Variants in HIC1 observed in about 807,000 individuals in gnomAD.
HIC1 encodes the protein hypermethylated in cancer 1 protein.
HIC1 carries 9 observed loss-of-function variants against 26.4 expected under a neutral mutation model. That is an observed-to-expected ratio of 0.34 (90% CI 0.21 to 0.59). The LOEUF (loss-of-function observed/expected upper bound fraction) is 0.59. Ranked by LOEUF, HIC1 falls within the 20% of genes least tolerant of loss-of-function variation. HIC1 has a pLI of 0.82. For synonymous variants in HIC1, 631 were observed against 523.1 expected (o/e 1.21, Z -2.81); for missense variants, 965 against 1,075.7 (o/e 0.90, Z 1.44).
rs1438822118 is a variant in HIC1, at chr17:2,058,819, G to A, written c.2129G>A (p.Arg710His). Residue 710 changes from arginine to histidine, a missense_variant, in exon 2 of 2, where the codon CGT becomes CAT. Coordinates refer to ENST00000619757, the MANE Select transcript of HIC1 (RefSeq NM_006497.4). Reference protein sequence around the residue: ...AAGPDGRTIDRFSPT With the variant: ...AAGPDGRTIDHFSPT ...GGGCCCGACGGCCGGACCATCGACCGTTTCTCTCCCACCTAGAGCGCCCCT... is the reference window on the plus strand; with the variant it reads ...GGGCCCGACGGCCGGACCATCGACCATTTCTCTCCCACCTAGAGCGCCCCT... 22 of 1,489,998 alleles carry A rather than the reference G, an allele frequency of 1.5e-5. No homozygotes were observed. Among genetic ancestry groups the A allele is most frequent in the Non-Finnish European group, 1.9e-5 (21 of 1,126,212 alleles). 92.3% of individuals were successfully genotyped at this position (1,489,998 alleles called of 1,614,324 possible).
Position 2,056,987 on chromosome 17 carries a change from G to A in HIC1, c.297G>A (p.Val99=). The A allele has an allele frequency of 1.9e-6, 3 of 1,556,722 alleles. No homozygotes were observed. The highest frequency in any genetic ancestry group is 2.6e-6 in the Non-Finnish European group (3 of 1,154,468). Residue 99 remains valine, a synonymous_variant, in exon 2 of 2, where the codon GTG becomes GTA. Coordinates refer to ENST00000619757, the MANE Select transcript of HIC1 (RefSeq NM_006497.4). ...CAGAGGCGGCTGCGGCCGCGGCCGT[G>A]GCCCCGGGGGCTGAGCCGAGCCTGG... is the stretch of plus-strand genomic sequence containing the variant. ...DGAEAAAAAA[V]APGAEPSLGA...
Position 2,057,976 on chromosome 17 carries a change from G to A in HIC1, c.1286G>A (p.Ser429Asn), listed in dbSNP as rs1346487914. 1 of 1,609,976 alleles carries A rather than the reference G, an allele frequency of 6.2e-7. No individual in the cohort carries two copies. Among genetic ancestry groups the A allele is most frequent in the Admixed American group, 1.7e-5 (1 of 59,642 alleles). The change falls in exon 2 of 2, where the codon AGC becomes AAC. Residue 429 changes from serine (S) to asparagine (N), a missense_variant. By Grantham distance (46) the Ser-to-Asn change is conservative (BLOSUM62 1). Coordinates refer to ENST00000619757, the MANE Select transcript of HIC1 (RefSeq NM_006497.4). ...VCIPCGKGFP[S>N]SEQLNAHVEA... ...ATTCCGTGCGGCAAGGGCTTCCCCAGCTCTGAGCAGCTGAACGCGCACGTG... is the reference window on the plus strand; with the variant it reads ...ATTCCGTGCGGCAAGGGCTTCCCCAACTCTGAGCAGCTGAACGCGCACGTG...
Position 2,061,733 on chromosome 17 carries a change from T to C in HIC1, c.*2898T>C, listed in dbSNP as rs2067786872. Reference sequence around the variant, plus strand: ...TGGGGAGGGGGTGCCACGCTAGCCGTGTCTTGGCTCTTCTACCAGTCCTTT... The same window carrying C: ...TGGGGAGGGGGTGCCACGCTAGCCGCGTCTTGGCTCTTCTACCAGTCCTTT... On this transcript the variant is annotated 3_prime_UTR_variant, in exon 2 of 2. Coordinates refer to ENST00000619757, the MANE Select transcript of HIC1 (RefSeq NM_006497.4). 4 of 1,254,504 alleles carry C rather than the reference T, an allele frequency of 3.2e-6. No homozygotes were observed. In the African/African-American group the frequency reaches 5.9e-5, roughly 19 times the overall value. The allele number at this position is 1,254,504 out of a possible 1,614,324, so 77.7% of individuals were successfully genotyped here.
chr17:2,059,996 A>C lies in HIC1; in HGVS notation c.*1161A>C, dbSNP rs192543221. The C allele has an allele frequency of 2.8e-3, 433 of 152,408 alleles. 1 individual carries two copies. The highest frequency in any genetic ancestry group is 3.6e-3 in the Non-Finnish European group (248 of 68,082). 9.4% of individuals were successfully genotyped at this position (152,408 alleles called of 1,614,324 possible). A position where few individuals can be genotyped will look rare whatever the true frequency, so the allele number is the denominator to read the frequency against. On this transcript the variant is annotated 3_prime_UTR_variant, in exon 2 of 2. Coordinates refer to ENST00000619757, the MANE Select transcript of HIC1 (RefSeq NM_006497.4). Reference sequence around the variant, plus strand: ...AGAGGCCGGGGACCCTGTACTCCAAAGAGCCCAGTCTTCTGAGACTCTAGG... The same window carrying C: ...AGAGGCCGGGGACCCTGTACTCCAACGAGCCCAGTCTTCTGAGACTCTAGG...
rs1428343904 is a variant in HIC1 at position 2,061,556 on chromosome 17, G to A, written c.*2721G>A. ...CCGTACAGGAACATTCCTTGTGAGC[G>A]CCTTCACACGCAGGTTCCGGTCATC... On this transcript the variant is annotated 3_prime_UTR_variant, in exon 2 of 2. Transcript: ENST00000619757. The A allele has an allele frequency of 6.4e-7, 1 of 1,572,306 alleles. No homozygotes were observed. The highest frequency in any genetic ancestry group is 1.2e-5 in the South Asian group (1 of 85,820).
Position 2,058,274 on chromosome 17 carries a change from T to C in HIC1, c.1584T>C (p.Arg528=). Reference sequence around the variant, plus strand: ...TCTGCGGGAAGAAGTTCACGCAGCGTGGGACCATGACGCGCCACATGCGCA... The same window carrying C: ...TCTGCGGGAAGAAGTTCACGCAGCGCGGGACCATGACGCGCCACATGCGCA... ...CTICGKKFTQ[R]GTMTRHMRSH... The change falls in exon 2 of 2, where the codon CGT becomes CGC. Residue 528 remains arginine (R), a synonymous_variant. Coordinates refer to ENST00000619757, the MANE Select transcript of HIC1 (RefSeq NM_006497.4). The C allele has an allele frequency of 6.2e-7, 1 of 1,610,502 alleles. No homozygotes were observed. Among genetic ancestry groups the C allele is most frequent in the Non-Finnish European group, 8.5e-7 (1 of 1,179,020 alleles).
rs2067708628 is a variant in HIC1, at chr17:2,059,191, T to G, written c.*356T>G. On this transcript the variant is annotated 3_prime_UTR_variant, in exon 2 of 2. Coordinates refer to ENST00000619757, the MANE Select transcript of HIC1 (RefSeq NM_006497.4). ...AGGGGTGTCACTGTCGGGGCACTCC[T>G]AGCCCTACCTCCGGCCCTTGCGACC... 2 of 230,172 alleles carry G rather than the reference T, an allele frequency of 8.7e-6. No individual in the cohort carries two copies. Among genetic ancestry groups the G allele is most frequent in the Non-Finnish European group, 9.1e-6 (1 of 109,724 alleles). 14.3% of individuals were successfully genotyped at this position (230,172 alleles called of 1,614,324 possible).
chr17:2,057,472 A>G lies in HIC1; in HGVS notation c.782A>G (p.Lys261Arg), dbSNP rs1296780097. ...SPPSAGPAAY[K>R]EPPLALPSLP... ...CCCAGCGCCGGCCCCGCCGCCTACA[A>G]GGAGCCGCCTCTCGCCCTGCCGTCG... Residue 261 changes from lysine (K) to arginine (R), a missense_variant, in exon 2 of 2, where the codon AAG becomes AGG. Lys to Arg is a conservative substitution (Grantham distance 26, BLOSUM62 2). Around this residue, in one of 6 missense-constraint regions of HIC1, gnomAD observed 526 missense variants for 525.0 expected, o/e 1.00. Transcript: ENST00000619757. The G allele has an allele frequency of 1.4e-6, 2 of 1,475,298 alleles. No homozygotes were observed. The highest frequency in any genetic ancestry group is 2.5e-5 in the South Asian group (2 of 78,562). 91.4% of individuals were successfully genotyped at this position (1,475,298 alleles called of 1,614,324 possible). A position where few individuals can be genotyped will look rare whatever the true frequency, so the allele number is the denominator to read the frequency against.
In HIC1 at chr17:2,062,434, C is replaced by A. The variant is rs2067809941; in HGVS notation, c.*3599C>A. 6.6e-6 allele frequency: 1 copy of A among 152,106 alleles called. No homozygotes were observed. The highest frequency in any genetic ancestry group is 2.4e-5 in the African/African-American group (1 of 41,414). 9.4% of individuals were successfully genotyped at this position (152,106 alleles called of 1,614,324 possible). On this transcript the variant is annotated 3_prime_UTR_variant, in exon 2 of 2. Transcript: ENST00000619757. ...CAGCATCATGATCATATTAGCCACACTTTCAGAGTATATACTTAAAAGGTC... is the reference window on the plus strand; with the variant it reads ...CAGCATCATGATCATATTAGCCACAATTTCAGAGTATATACTTAAAAGGTC...
rs1311657168 is a variant in HIC1 at position 2,057,558 on chromosome 17, G to A, written c.868G>A (p.Gly290Ser). Residue 290 changes from glycine to serine, a missense_variant, in exon 2 of 2, where the codon GGC (glycine) becomes AGC (serine). Coordinates refer to ENST00000619757, the MANE Select transcript of HIC1 (RefSeq NM_006497.4). The stretch of plus-strand genomic sequence containing the variant: ...CGCACCGCCTTCCGACCCATTTCGC[G>A]GCGGCAGCGGCAGCCCGGGACCCGA... ...EAAPPSDPFR[G>S]GSGSPGPEPP... 2.0e-6 allele frequency: 3 copies of A among 1,500,920 alleles called. No homozygotes were observed. Among genetic ancestry groups the A allele is most frequent in the Admixed American group, 2.1e-5 (1 of 48,346 alleles). 93.0% of individuals were successfully genotyped at this position (1,500,920 alleles called of 1,614,324 possible).
At chr17:2,056,581 G>T in intron 1 of HIC1, 90 bp from the exon 2 acceptor site, 1 of 1,449,726 alleles carries the variant, frequency 6.9e-7, no homozygotes, top group Non-Finnish European at 9.1e-7. Context: ...TCAGCTGAGG[G>T]AAGGGGAAGT....
At chr17:2,056,638 C>T in intron 1 of HIC1, 33 bp from the exon 2 acceptor site, 2 of 1,490,318 alleles carry the variant, frequency 1.3e-6, no homozygotes, top group African/African-American at 1.4e-5. Flanking sequence ...GGGCGCCGCA[C>T]GGCTCTCACC....
rs771764383 is a variant in HIC1 at position 2,057,441 on chromosome 17, A to T, written c.751A>T (p.Ser251Cys). The stretch of plus-strand genomic sequence containing the variant: ...GCGCGAGCTGCCCCCGCGCCCGGAC[A>T]GCCCTCCCAGCGCCGGCCCCGCCGC... ...AERELPPRPD[S>C]PPSAGPAAYK... is the part of the protein sequence containing the mutation. The change falls in exon 2 of 2, where the codon AGC becomes TGC. Residue 251 changes from serine (S) to cysteine (C), a missense_variant. Ser to Cys is a moderately radical substitution (Grantham distance 112, BLOSUM62 -1). Transcript: ENST00000619757. The T allele has an allele frequency of 2.1e-6, 3 of 1,454,104 alleles. No homozygotes were observed. Among genetic ancestry groups the T allele is most frequent in the South Asian group, 2.6e-5 (2 of 76,126 alleles). 90.1% of individuals were successfully genotyped at this position (1,454,104 alleles called of 1,614,324 possible). A position where few individuals can be genotyped will look rare whatever the true frequency, so the allele number is the denominator to read the frequency against.
rs927726353 is a variant in HIC1, at chr17:2,060,857, G to A, written c.*2022G>A. The A allele has an allele frequency of 8.5e-5, 13 of 153,420 alleles. No individual in the cohort carries two copies. The highest frequency in any genetic ancestry group is 1.3e-4 in the Admixed American group (2 of 15,288). 9.5% of individuals were successfully genotyped at this position (153,420 alleles called of 1,614,324 possible). A position where few individuals can be genotyped will look rare whatever the true frequency, so the allele number is the denominator to read the frequency against. ...CAGGTTGATAAGGGCAGGAAGAGGA[G>A]CAGCAGGAAGGGTGTGTGGTAAGTC... is the stretch of plus-strand genomic sequence containing the variant. On this transcript the variant is annotated 3_prime_UTR_variant, in exon 2 of 2. Transcript: ENST00000619757.
At position 2,058,035 on chromosome 17, in the gene HIC1, G is replaced by C. The variant is rs202115526; in HGVS notation, c.1345G>C (p.Gly449Arg). Residue 449 changes from glycine (G) to arginine (R), a missense_variant, in exon 2 of 2, where the codon GGC (glycine) becomes CGC (arginine). Transcript: ENST00000619757. ...CGTGGAGGAGGAGGAAGCGCTGTAC[G>C]GCAGGGCCGAGGCGGCCGAAGTGGC... Reference protein sequence around the residue: ...AHVEEEEALYGRAEAAEVAAG... With the variant: ...AHVEEEEALYRRAEAAEVAAG... The C allele has an allele frequency of 1.4e-4, 225 of 1,592,514 alleles. 1 individual carries two copies. The highest frequency in any genetic ancestry group is 8.8e-4 in the Admixed American group (50 of 56,810).
At position 2,055,472 on chromosome 17, in the gene HIC1, G is replaced by C. The variant is rs1446635816; in HGVS notation, c.-21+234G>C. On this transcript the variant is annotated intron_variant, in intron 1 of 1. Transcript: ENST00000619757. This position sits in a 1 kb window ranked among gnomAD's most constrained non-coding sequence, Gnocchi z 6.4. Reference sequence around the variant, plus strand: ...GCCGGCTCTGCCCGCACATGGGCTGGAGAGGCGAGGGGAAGGGAAGGGAAG... The same window carrying C: ...GCCGGCTCTGCCCGCACATGGGCTGCAGAGGCGAGGGGAAGGGAAGGGAAG... Among the ~76,000 whole-genome samples the C allele has an allele frequency of 6.6e-6, 1 of 152,030 alleles. No individual in the cohort carries two copies. Among genetic ancestry groups the C allele is most frequent in the African/African-American group, 2.4e-5 (1 of 41,420 alleles).
chr17:2,062,611 A>ATCCC lies in HIC1; in HGVS notation c.*3778_*3781dup, dbSNP rs2151378912. ...AGGGACAAGCACTCACACAAGTGAC[A>ATCCC]TCCCTACCCTGACAGGCCTGCTTGG... On this transcript the variant is annotated 3_prime_UTR_variant, in exon 2 of 2. Coordinates refer to ENST00000619757, the MANE Select transcript of HIC1 (RefSeq NM_006497.4). 6.6e-6 allele frequency: 1 copy of ATCCC among 152,200 alleles called. No individual in the cohort carries two copies. The highest frequency in any genetic ancestry group is 6.5e-5 in the Admixed American group (1 of 15,290). The allele number at this position is 152,200 out of a possible 1,614,324, so 9.4% of individuals were successfully genotyped here.
chr17:2,057,846 A>G lies in HIC1; in HGVS notation c.1156A>G (p.Ser386Gly). The G allele has an allele frequency of 6.3e-7, 1 of 1,584,574 alleles. No homozygotes were observed. Among genetic ancestry groups the G allele is most frequent in the East Asian group, 2.3e-5 (1 of 43,604 alleles). ...DYKSSSEETGSSEDPSPPGGH... is the reference protein window; with the variant it reads ...DYKSSSEETGGSEDPSPPGGH... ...CAAGAGCAGCAGCGAGGAGACCGGT[A>G]GCAGCGAGGACCCCAGCCCGCCTGG... Residue 386 changes from serine to glycine, a missense_variant, in exon 2 of 2, where the codon AGC becomes GGC. Around this residue, in one of 6 missense-constraint regions of HIC1, gnomAD observed 526 missense variants for 525.0 expected, o/e 1.00. Coordinates refer to ENST00000619757, the MANE Select transcript of HIC1 (RefSeq NM_006497.4).
Position 2,057,310 on chromosome 17 carries a change from C to T in HIC1, c.620C>T (p.Ala207Val). The T allele has an allele frequency of 2.7e-6, 4 of 1,501,298 alleles. No homozygotes were observed. Among genetic ancestry groups the T allele is most frequent in the East Asian group, 5.6e-5 (2 of 35,574 alleles). 93.0% of individuals were successfully genotyped at this position (1,501,298 alleles called of 1,614,324 possible). The stretch of plus-strand genomic sequence containing the variant: ...CTGTACGCGTCGGGACCCGGCCCGG[C>T]CGCCGCACTCTGTGCCTCGGAGCGC... Reference protein sequence around the residue: ...AELYASGPGPAAALCASERRC... With the variant: ...AELYASGPGPVAALCASERRC... Residue 207 changes from alanine (A) to valine (V), a missense_variant, in exon 2 of 2, where the codon GCC becomes GTC. Ala to Val is a moderately conservative substitution (Grantham distance 64). Around this residue, in one of 6 missense-constraint regions of HIC1, gnomAD observed 526 missense variants for 525.0 expected, o/e 1.00. Transcript: ENST00000619757.
Sources: allele counts gnomAD v4.1 joint callset (sites outside exome capture counted in the v4.1 genomes callset), GRCh38; gene constraint gnomAD v4.1.1; regional missense constraint gnomAD v4.1.1; non-coding constraint Gnocchi (gnomAD v3.1); transcripts MANE v1.5; gene names NCBI Gene and HGNC (gene_info 2026-07-23, HGNC 2026-07-21).